The following IST1 variants were observed in gnomAD, a reference collection of about 807,000 sequenced individuals.
IST1 encodes IST1 factor associated with ESCRT-III, also known as IST1 homolog.
IST1 carries 23 observed loss-of-function variants against 37.0 expected under a neutral mutation model. That is an observed-to-expected ratio of 0.62 (90% CI 0.45 to 0.88). The LOEUF (loss-of-function observed/expected upper bound fraction) is 0.88. Among genes scored for constraint, IST1 ranks in the 40% least tolerant of loss-of-function variants. The pLI is 0.00. For synonymous variants in IST1, 180 were observed against 161.7 expected (o/e 1.11, Z -0.86); for missense variants, 488 against 445.4 (o/e 1.10, Z -0.86).
intron 8 of IST1, chr16:71,924,389 G>T: frequency 2.6e-6 from 1 of 381,470 alleles, no homozygotes; most frequent in Non-Finnish European, 5.0e-6. Context: ...GCAGGCGTTC[G>T]AGACCAGCCT....
In IST1 at chr16:71,921,360, T is replaced by C; in HGVS notation, c.459T>C (p.Ser153=). Reference sequence around the variant, plus strand: ...ACTTACAGCTAATGCACAAGCTGAGTGTGGAAGCCCCACCCAAAATCCTGG... The same window carrying C: ...ACTTACAGCTAATGCACAAGCTGAGCGTGGAAGCCCCACCCAAAATCCTGG... ...TVNDRLMHKL[S]VEAPPKILVE... Residue 153 remains serine, a synonymous_variant, in exon 6 of 10, where the codon AGT becomes AGC. Transcript: ENST00000378799. 1 of 1,611,642 alleles carries C rather than the reference T, an allele frequency of 6.2e-7. No individual in the cohort carries two copies. The highest frequency in any genetic ancestry group is 8.5e-7 in the Non-Finnish European group (1 of 1,178,472).
Position 71,922,615 on chromosome 16 carries a change from ATGCCC to A in IST1, c.695_699del (p.Met232AsnfsTer50), listed in dbSNP as rs2037628724. The A allele has an allele frequency of 2.0e-6, 3 of 1,529,828 alleles. No homozygotes were observed. The South Asian group carries it at 3.5e-5, about 18-fold the overall frequency. 94.8% of individuals were successfully genotyped at this position (1,529,828 alleles called of 1,614,324 possible). A position where few individuals can be genotyped will look rare whatever the true frequency, so the allele number is the denominator to read the frequency against. On this transcript the variant is annotated frameshift_variant, in exon 7 of 10. Transcript: ENST00000378799. LOFTEE classifies it high-confidence loss of function. Reference sequence around the variant, plus strand: ...ACCTGATGGAACGGTGCCAATGCCCATGCCCATGCCCATGCCTATGCCATCTGCAA... The same window carrying A: ...ACCTGATGGAACGGTGCCAATGCCCAATGCCCATGCCTATGCCATCTGCAA...
chr16:71,912,101 T>C (rs1487465590), intron 1 of IST1, among the ~76,000 whole-genome samples: 3 of 152,178 alleles, frequency 2.0e-5, no homozygotes, highest in Non-Finnish European at 1.5e-5. Context: ...CTCATCATCA[T>C]GATCAAGTTT....
chr16:71,905,274 T>C (rs2142537438), intron 1 of IST1, among the ~76,000 whole-genome samples: 1 of 151,604 alleles, frequency 6.6e-6, no homozygotes, highest in East Asian at 2.0e-4. Context: ...GACCTCGTGA[T>C]CCACCCACCT....
rs774825106 is a variant in IST1 at position 71,930,177 on chromosome 16, C to T, written c.*2364C>T. The stretch of plus-strand genomic sequence containing the variant: ...AAGGTGCCCAGGACTGGGTCTAAAG[C>T]GAAAACCTGGGAAAACAATAAGAAC... On this transcript the variant is annotated 3_prime_UTR_variant, in exon 10 of 10. Transcript: ENST00000378799. The T allele has an allele frequency of 1.8e-5, 28 of 1,540,426 alleles. No homozygotes were observed. Among genetic ancestry groups the T allele is most frequent in the Non-Finnish European group, 1.7e-5 (19 of 1,142,866 alleles).
rs1340687699 is a variant in IST1 at position 71,923,319 on chromosome 16, A to T, written c.791A>T (p.Tyr264Phe). The change falls in exon 8 of 10, where the codon TAT (tyrosine) becomes TTT (phenylalanine). Residue 264 changes from tyrosine (Y) to phenylalanine (F), a missense_variant. Physicochemically the swap from Tyr to Phe is conservative, Grantham distance 22 (BLOSUM62 3). Coordinates refer to ENST00000378799, the MANE Select transcript of IST1 (RefSeq NM_001270975.2). ...SDFNGLPMGTYQAFPNIHPPQ... is the reference protein window; with the variant it reads ...SDFNGLPMGTFQAFPNIHPPQ... ...TTCAATGGACTGCCAATGGGGACTTATCAGGCCTTTCCCAATATTCATCCA... is the reference window on the plus strand; with the variant it reads ...TTCAATGGACTGCCAATGGGGACTTTTCAGGCCTTTCCCAATATTCATCCA... 2 of 1,612,542 alleles carry T rather than the reference A, an allele frequency of 1.2e-6. No homozygotes were observed. The highest frequency in any genetic ancestry group is 1.7e-6 in the Non-Finnish European group (2 of 1,178,714).
chr16:71,927,775 C>T lies in IST1; in HGVS notation c.1063C>T (p.Leu355Phe). 6.2e-7 allele frequency: 1 copy of T among 1,614,080 alleles called. No individual in the cohort carries two copies. Among genetic ancestry groups the T allele is most frequent in the Non-Finnish European group, 8.5e-7 (1 of 1,179,936 alleles). The change falls in exon 10 of 10, where the codon CTT (leucine) becomes TTT (phenylalanine). Residue 355 changes from leucine to phenylalanine, a missense_variant. Leu to Phe is a conservative substitution (Grantham distance 22). This residue lies in a region of IST1 where 455 missense variants were observed against 386.2 expected (regional missense o/e 1.18). Coordinates refer to ENST00000378799, the MANE Select transcript of IST1 (RefSeq NM_001270975.2). ...SASEDIDFDD[L>F]SRRFEELKKK... Reference sequence around the variant, plus strand: ...ATCTGAAGACATTGACTTTGATGATCTTTCCCGGAGGTTTGAAGAGCTGAA... The same window carrying T: ...ATCTGAAGACATTGACTTTGATGATTTTTCCCGGAGGTTTGAAGAGCTGAA...
chr16:71,929,936 A>G lies in IST1; in HGVS notation c.*2123A>G, dbSNP rs1049351125. Reference sequence around the variant, plus strand: ...AGCTGGCAGAGCTTTTGAAACTAATAAAGGGAATATGATACTGTGCATTAT... The same window carrying G: ...AGCTGGCAGAGCTTTTGAAACTAATGAAGGGAATATGATACTGTGCATTAT... On this transcript the variant is annotated 3_prime_UTR_variant, in exon 10 of 10. Transcript: ENST00000378799. The G allele has an allele frequency of 2.4e-6, 3 of 1,261,520 alleles. No homozygotes were observed. In the African/African-American group the frequency reaches 4.6e-5, roughly 19 times the overall value. 78.1% of individuals were successfully genotyped at this position (1,261,520 alleles called of 1,614,324 possible). A position where few individuals can be genotyped will look rare whatever the true frequency, so the allele number is the denominator to read the frequency against.
intron 8 of IST1, chr16:71,924,410 G>A: frequency 2.5e-6 from 1 of 397,236 alleles, no homozygotes; most frequent in Non-Finnish European, 4.8e-6. Context: ...GGGCAACATG[G>A]CGAAACCCTG....
chr16:71,919,287 C>T (rs2142576710), intron 4 of IST1, among the ~76,000 whole-genome samples: 1 of 152,370 alleles, frequency 6.6e-6, no homozygotes, highest in South Asian at 2.1e-4. Flanking sequence ...TGATTGCAGG[C>T]TTGAGAACTG....
chr16:71,900,701 T>G (rs2037089345), intron 1 of IST1, among the ~76,000 whole-genome samples: 1 of 152,172 alleles, frequency 6.6e-6, no homozygotes, highest in African/African-American at 2.4e-5. Flanking sequence ...TACCGAGAAC[T>G]AGGATTGTGG....
chr16:71,924,643 TTTC>T (rs2037693516), intron 8 of IST1, 123 bp from the exon 9 acceptor site: 1 of 737,150 alleles, frequency 1.4e-6, no homozygotes, highest in Non-Finnish European at 2.4e-6. Flanking sequence ...GCAGGGGCAG[TTTC>T]TTTGGAACAG....
intron 9 of IST1, among the ~76,000 whole-genome samples, chr16:71,925,243 G>C (rs2037712777): frequency 6.6e-6 from 1 of 151,332 alleles, no homozygotes; most frequent in South Asian, 2.1e-4. Flanking sequence ...TCGATCTCCT[G>C]ACCTTGTGAG....
At chr16:71,924,357 C>G in intron 8 of IST1, 1 of 373,720 alleles carries the variant, frequency 2.7e-6, no homozygotes, top group Non-Finnish European at 5.2e-6. Context: ...CGCCTGTAAT[C>G]CCAGCACTTT....
chr16:71,913,909 A>G (rs376049151), intron 1 of IST1, among the ~76,000 whole-genome samples: 1 of 152,048 alleles, frequency 6.6e-6, no homozygotes, highest in African/African-American at 2.4e-5. Context: ...CCTGGGTTAA[A>G]GCAATTCTCC....
chr16:71,908,445 G>A (rs1458821352), intron 1 of IST1, among the ~76,000 whole-genome samples: 1 of 151,680 alleles, frequency 6.6e-6, no homozygotes, highest in Non-Finnish European at 1.5e-5. Context: ...GACTACAGGC[G>A]TGTGCCACCA....
chr16:71,929,998 G>A lies in IST1; in HGVS notation c.*2185G>A. On this transcript the variant is annotated 3_prime_UTR_variant, in exon 10 of 10. Transcript: ENST00000378799. ...GCCCGTCATCTTAGGGGCAGTTACA[G>A]TGGAGCTTTCCCAGTGATATAACAG... The A allele has an allele frequency of 1.3e-6, 2 of 1,505,956 alleles. No individual in the cohort carries two copies. Among genetic ancestry groups the A allele is most frequent in the Non-Finnish European group, 1.8e-6 (2 of 1,121,256 alleles). The allele number at this position is 1,505,956 out of a possible 1,614,324, so 93.3% of individuals were successfully genotyped here.
chr16:71,913,290 G>C (rs1411572063), intron 1 of IST1, among the ~76,000 whole-genome samples: 3 of 145,468 alleles, frequency 2.1e-5, no homozygotes, highest in Non-Finnish European at 4.5e-5. Flanking sequence ...TTTTTTTTTT[G>C]ATAGTAGCCA....
At chr16:71,899,907 C>T (rs1489758227) in intron 1 of IST1, among the ~76,000 whole-genome samples, 1 of 150,606 alleles carries the variant, frequency 6.6e-6, no homozygotes, top group African/African-American at 2.4e-5. Flanking sequence ...CCTGTAGTCC[C>T]AGCTACTCGG....
Sources: gnomAD v4.1 joint callset for allele counts (sites outside exome capture counted in the v4.1 genomes callset) on GRCh38, gnomAD v4.1.1 for gene constraint, gnomAD v4.1.1 regional missense constraint, MANE v1.5 for transcripts, NCBI Gene and HGNC (gene_info 2026-07-23, HGNC 2026-07-21) for gene names.